The following RUNX1T1 variants were observed in gnomAD, a reference collection of about 807,000 sequenced individuals.
The protein encoded by RUNX1T1 is protein CBFA2T1.
RUNX1T1 carries 4 observed loss-of-function variants against 62.8 expected under a neutral mutation model. That is an observed-to-expected ratio of 0.06 (90% CI 0.03 to 0.15). RUNX1T1 has a LOEUF of 0.15. Ranked by LOEUF, RUNX1T1 falls within the 10% of genes least tolerant of loss-of-function variation. The probability of loss-of-function intolerance (pLI) is 1.00; values close to 1 mark genes in which losing one functional copy is unlikely to be tolerated. For synonymous variants in RUNX1T1, 291 were observed against 286.0 expected, an observed-to-expected ratio of 1.02 and a Z score of -0.18; for missense variants, 508 against 754.3, an observed-to-expected ratio of 0.67 and a Z score of 3.82.
chr8:92,087,768 T>C (rs887847153), intron 1 of RUNX1T1, among the ~76,000 whole-genome samples: 1 of 152,170 alleles, frequency 6.6e-6, no homozygotes, highest in Non-Finnish European at 1.5e-5. Context: ...GTAAAAGGTG[T>C]CTTTACCATG....
downstream of RUNX1T1, chr8:91,954,979 A>C (rs752599635): frequency 4.2e-5 from 8 of 192,382 alleles, no homozygotes; most frequent in Non-Finnish European, 7.6e-5. Flanking sequence ...TGATTAGGCA[A>C]ACACAACTTT....
intron 1 of RUNX1T1, among the ~76,000 whole-genome samples, chr8:92,037,576 G>A (rs1827655407): frequency 6.6e-6 from 1 of 152,104 alleles, no homozygotes; most frequent in African/African-American, 2.4e-5. Flanking sequence ...CTACTCAGGT[G>A]GCTAATGTGG....
chr8:91,976,081 A>G (rs999579241), intron 8 of RUNX1T1, 108 bp from the exon 10 acceptor site: 10 of 732,516 alleles, frequency 1.4e-5, no homozygotes, highest in Non-Finnish European at 2.1e-5. Flanking sequence ...TGGCTTCTCT[A>G]CAAAAACGCA....
downstream of RUNX1T1, chr8:91,957,001 G>C (rs1483562332): frequency 5.0e-6 from 1 of 200,780 alleles, no homozygotes; most frequent in Non-Finnish European, 1.0e-5. Flanking sequence ...AAAAAAAAAA[G>C]ACAGGTGGCC....
chr8:92,085,192 G>T (rs1008042424), intron 1 of RUNX1T1, among the ~76,000 whole-genome samples: 5 of 152,224 alleles, frequency 3.3e-5, no homozygotes, highest in African/African-American at 1.2e-4. Context: ...TTCTGGCAGG[G>T]AAGAGCAGCA....
intron 2 of RUNX1T1, among the ~76,000 whole-genome samples, chr8:92,072,869 G>GCA (rs1271671716): frequency 6.6e-6 from 1 of 152,150 alleles, no homozygotes; most frequent in African/African-American, 2.4e-5. Flanking sequence ...ATATAAAGGT[G>GCA]CACAGCATCA....
chr8:91,959,550 C>A (rs549233909), exon 11 of RUNX1T1: 11 of 192,270 alleles, frequency 5.7e-5, no homozygotes, highest in African/African-American at 2.2e-4. Context: ...TTTTTTCTTG[C>A]TGCTGTATTC....
chr8:92,048,757 TA>T (rs1829795513), intron 1 of RUNX1T1, among the ~76,000 whole-genome samples: 1 of 151,956 alleles, frequency 6.6e-6, no homozygotes, highest in Non-Finnish European at 1.5e-5. Context: ...CTCTTTCTAT[TA>T]TTGGAATCTG....
intron 8 of RUNX1T1, among the ~76,000 whole-genome samples, chr8:91,984,599 T>C (rs1476426064): frequency 6.6e-6 from 1 of 152,224 alleles, no homozygotes; most frequent in Non-Finnish European, 1.5e-5. Context: ...ATGTGTTCAA[T>C]AGAATAAGCC....
intron 7 of RUNX1T1, 146 bp from the exon 9 acceptor site, chr8:91,986,471 T>C (rs1271315257): frequency 7.7e-6 from 5 of 650,444 alleles, no homozygotes; most frequent in Non-Finnish European, 1.3e-5. Context: ...TATGACTAGA[T>C]TTGAAATTCA....
exon 3 of RUNX1T1, chr8:92,014,675 G>A: frequency 6.2e-7 from 1 of 1,614,064 alleles, no homozygotes. Flanking sequence ...TTTTCAGCTT[G>A]CTGAGTTGCC....
intron 5 of RUNX1T1, among the ~76,000 whole-genome samples, chr8:92,000,519 G>A (rs1042026486): frequency 1.4e-4 from 21 of 151,836 alleles, no homozygotes; most frequent in Non-Finnish European, 2.9e-4. Flanking sequence ...ATTCTTATTT[G>A]CACAACTGAC....
At chr8:91,974,125 A>C (rs1586758105) in intron 9 of RUNX1T1, among the ~76,000 whole-genome samples, 1 of 152,036 alleles carries the variant, frequency 6.6e-6, no homozygotes, top group Admixed American at 6.6e-5. Flanking sequence ...AGGTTTAAAA[A>C]CCCCCAAAAC....
At chr8:91,979,390 T>C (rs1401306363) in intron 8 of RUNX1T1, among the ~76,000 whole-genome samples, 1 of 152,196 alleles carries the variant, frequency 6.6e-6, no homozygotes, top group Non-Finnish European at 1.5e-5. Context: ...AGCTAATTCT[T>C]ACCCGTTAAC....
At chr8:91,970,848 T>C in exon 10 of RUNX1T1, 1 of 1,606,236 alleles carries the variant, frequency 6.2e-7, no homozygotes, top group South Asian at 1.1e-5. Flanking sequence ...GACGGCCTCC[T>C]CTGTGTGCCA....
chr8:91,984,012 G>T (rs1392391297), intron 8 of RUNX1T1, among the ~76,000 whole-genome samples: 1 of 152,150 alleles, frequency 6.6e-6, no homozygotes, highest in East Asian at 1.9e-4. Context: ...TGACAATAAA[G>T]AACATAATGT....
At chr8:91,957,641 C>T (rs1226206514), downstream of RUNX1T1, 2 of 227,852 alleles carry the variant, frequency 8.8e-6, no homozygotes, top group South Asian at 1.8e-4. Context: ...GAGATAAAGA[C>T]GTGTGGGTAT....
chr8:92,100,333 T>C (rs1289599850), upstream of RUNX1T1, among the ~76,000 whole-genome samples: 2 of 152,238 alleles, frequency 1.3e-5, no homozygotes, highest in Non-Finnish European at 2.9e-5. Flanking sequence ...AACTGGACAC[T>C]GGAGAAACTG....
chr8:91,975,799 G>A, intron 9 of RUNX1T1, 106 bp downstream of exon 10: 2 of 699,624 alleles, frequency 2.9e-6, no homozygotes, highest in Non-Finnish European at 5.1e-6. Context: ...TTTTGCTGTT[G>A]TTGTTGTTAG....
Sources: allele counts gnomAD v4.1 joint callset (sites outside exome capture counted in the v4.1 genomes callset), GRCh38; gene constraint gnomAD v4.1.1; transcripts MANE v1.5; gene names NCBI Gene and HGNC (gene_info 2026-07-23, HGNC 2026-07-21).